The following MAP3K13 variants were observed in gnomAD, a reference collection of about 807,000 sequenced individuals.
The protein encoded by MAP3K13 is mitogen-activated protein kinase kinase kinase 13, also known as leucine zipper-bearing kinase.
Under a neutral mutation model 104.0 loss-of-function variants are expected in MAP3K13, and 52 were observed. The observed-to-expected ratio is 0.50, with a 90% CI of 0.40 to 0.63. The LOEUF is 0.63. Ranked by LOEUF, MAP3K13 falls within the 20% of genes least tolerant of loss-of-function variation. MAP3K13 has a pLI of 0.00. For missense variants in MAP3K13, 914 were observed against 1,218.5 expected (o/e 0.75, Z 3.72); for synonymous variants, 394 against 442.2 (o/e 0.89, Z 1.37).
intron 1 of MAP3K13, among the ~76,000 whole-genome samples, chr3:185,389,925 G>T (rs1380257544): frequency 6.6e-6 from 1 of 152,112 alleles, no homozygotes; most frequent in African/African-American, 2.4e-5. Flanking sequence ...GAGTGGTATT[G>T]TGAAAAGAGG....
At chr3:185,307,392 T>C (rs1352681567) in intron 2 of MAP3K13, among the ~76,000 whole-genome samples, 1 of 152,160 alleles carries the variant, frequency 6.6e-6, no homozygotes. Flanking sequence ...TTTTTACTTT[T>C]TGTTGAATTA....
chr3:185,463,276 C>T (rs986675835), intron 7 of MAP3K13, among the ~76,000 whole-genome samples: 8 of 152,132 alleles, frequency 5.3e-5, no homozygotes, highest in African/African-American at 1.4e-4. Flanking sequence ...GCCAGCATGC[C>T]GGCTGTGATG....
chr3:185,390,966 A>C (rs1211796017), intron 1 of MAP3K13, among the ~76,000 whole-genome samples: 1 of 152,052 alleles, frequency 6.6e-6, no homozygotes. Flanking sequence ...CATCCTACAC[A>C]TCCCGGTCTG....
chr3:185,480,700 G>T (rs6802270), intron 13 of MAP3K13, among the ~76,000 whole-genome samples, 171 bp downstream of exon 13: 1 of 152,168 alleles, frequency 6.6e-6, no homozygotes, highest in Non-Finnish European at 1.5e-5. Context: ...AATTTATGAA[G>T]AAAAGAGGTT....
At chr3:185,383,006 C>A in intron 1 of MAP3K13, among the ~76,000 whole-genome samples, 1 of 125,886 alleles carries the variant, frequency 7.9e-6, no homozygotes, top group Non-Finnish European at 1.7e-5. Context: ...TGCTATCCCT[C>A]CCCCCTCCCC....
chr3:185,321,138 A>G (rs1168785778), intron 2 of MAP3K13, among the ~76,000 whole-genome samples: 2 of 151,024 alleles, frequency 1.3e-5, no homozygotes, highest in African/African-American at 4.9e-5. Flanking sequence ...ACACATGTGT[A>G]TATTACATAT....
chr3:185,455,703 GAGATATATATGAGATATATATGAT>G lies in MAP3K13; in HGVS notation c.1278+4310_1278+4333del, dbSNP rs1560120431. 9.6e-4 allele frequency among the ~76,000 whole-genome samples: 12 copies of G among 12,468 alleles called. 2 individuals are homozygous for G. The South Asian group carries it at 0.012, about 12-fold the overall frequency. The allele number at this position is 12,468 out of a possible 152,430, so 8.2% of individuals were successfully genotyped here. ...TGAGATATATATATGATATATATAT[GAGATATATATGAGATATATATGAT>G]ATATATATGAGATATATATATGATA... is the stretch of plus-strand genomic sequence containing the variant. On this transcript the variant is annotated intron_variant, in intron 7 of 13. Coordinates refer to ENST00000265026, the MANE Select transcript of MAP3K13 (RefSeq NM_004721.5).
chr3:185,348,327 A>T (rs1371173509), intron 2 of MAP3K13, among the ~76,000 whole-genome samples: 1 of 152,194 alleles, frequency 6.6e-6, no homozygotes, highest in Non-Finnish European at 1.5e-5. Context: ...AATTTAATGA[A>T]CTAAAAACAC....
At chr3:185,401,074 A>T (rs1000164498) in intron 1 of MAP3K13, among the ~76,000 whole-genome samples, 1 of 152,154 alleles carries the variant, frequency 6.6e-6, no homozygotes, top group Non-Finnish European at 1.5e-5. Flanking sequence ...ATACAAGCTC[A>T]TGCGTGCAGG....
intron 2 of MAP3K13, among the ~76,000 whole-genome samples, chr3:185,322,000 G>C (rs1010530265): frequency 1.3e-5 from 2 of 152,184 alleles, no homozygotes; most frequent in African/African-American, 4.8e-5. Flanking sequence ...TACGGAAATG[G>C]TAAGTCAATT....
At chr3:185,439,102 T>C (rs144424264) in intron 3 of MAP3K13, among the ~76,000 whole-genome samples, 321 of 152,198 alleles carry the variant, frequency 2.1e-3, no homozygotes, top group African/African-American at 7.2e-3. Context: ...TTTTGTAGAA[T>C]GGGTTTAAAT....
At chr3:185,437,863 A>C (rs567417103) in intron 3 of MAP3K13, among the ~76,000 whole-genome samples, 17 of 152,248 alleles carry the variant, frequency 1.1e-4, no homozygotes, top group African/African-American at 4.1e-4. Flanking sequence ...AAGTACATGG[A>C]AGGGGCATGC....
In MAP3K13 at chr3:185,450,906, G is replaced by A. The variant is rs1478148444; in HGVS notation, c.1170-381G>A. Among the ~76,000 whole-genome samples, 1 of 152,154 alleles carries A rather than the reference G, an allele frequency of 6.6e-6. No individual in the cohort carries two copies. The highest frequency in any genetic ancestry group is 1.5e-5 in the Non-Finnish European group (1 of 68,020). On this transcript the variant is annotated intron_variant, in intron 6 of 13. Coordinates refer to ENST00000265026, the MANE Select transcript of MAP3K13 (RefSeq NM_004721.5). This position sits in a 1 kb window ranked among gnomAD's most constrained non-coding sequence, Gnocchi z 4.2. ...AGATCGAGACCATCCTGGTTAACAC[G>A]ATGAAACCCCGTCTCTACTAAAAAT...
At chr3:185,455,997 T>C (rs1014197309) in intron 7 of MAP3K13, among the ~76,000 whole-genome samples, 11 of 148,052 alleles carry the variant, frequency 7.4e-5, no homozygotes, top group African/African-American at 2.7e-4. Flanking sequence ...ATATATGAGA[T>C]ATATATGAGA....
chr3:185,463,890 G>C (rs1717259085), intron 8 of MAP3K13, among the ~76,000 whole-genome samples: 1 of 152,126 alleles, frequency 6.6e-6, no homozygotes, highest in Non-Finnish European at 1.5e-5. Context: ...AAAGATTCTT[G>C]AAACAATGCT....
At chr3:185,309,859 T>C (rs1162311985) in intron 2 of MAP3K13, among the ~76,000 whole-genome samples, 1 of 152,120 alleles carries the variant, frequency 6.6e-6, no homozygotes, top group Non-Finnish European at 1.5e-5. Context: ...TCCACAGATA[T>C]AAGGCAAAAT....
chr3:185,471,275 C>T (rs1459330321), intron 10 of MAP3K13, among the ~76,000 whole-genome samples: 1 of 149,360 alleles, frequency 6.7e-6, no homozygotes, highest in Non-Finnish European at 1.5e-5. Flanking sequence ...ATGCTTTGAG[C>T]ATCCCAAAAA....
At chr3:185,317,255 T>TG (rs1221444399) in intron 2 of MAP3K13, among the ~76,000 whole-genome samples, 6 of 151,956 alleles carry the variant, frequency 3.9e-5, no homozygotes, top group Non-Finnish European at 5.9e-5. Flanking sequence ...CTTCTGAAAA[T>TG]GGGGGAGAGA....
intron 2 of MAP3K13, among the ~76,000 whole-genome samples, chr3:185,311,650 T>G (rs1335302163): frequency 1.3e-5 from 2 of 152,198 alleles, no homozygotes; most frequent in Admixed American, 6.5e-5. Flanking sequence ...CAAATTGGTA[T>G]GTAGACCTTT....
Sources: allele counts gnomAD v4.1 joint callset (sites outside exome capture counted in the v4.1 genomes callset), GRCh38; gene constraint gnomAD v4.1.1; non-coding constraint Gnocchi (gnomAD v3.1); transcripts MANE v1.5; gene names NCBI Gene and HGNC (gene_info 2026-07-23, HGNC 2026-07-21).